The following SPTBN5 variants were observed in gnomAD, a reference collection of about 807,000 sequenced individuals.
The protein encoded by SPTBN5 is spectrin beta, non-erythrocytic 5, also known as spectrin beta chain, non-erythrocytic 5.
Under a neutral mutation model 477.6 loss-of-function variants are expected in SPTBN5, and 513 were observed. That is an observed-to-expected ratio of 1.07 (90% confidence interval 1.00 to 1.16). The LOEUF is 1.16. Among genes scored for constraint, SPTBN5 ranks in the 50% most tolerant of loss-of-function variants. The probability of loss-of-function intolerance (pLI) is 0.00; values close to 1 mark genes in which losing one functional copy is unlikely to be tolerated. For synonymous variants in SPTBN5, 2,169 were observed against 2,011.7 expected (o/e 1.08, Z -2.09); for missense variants, 5,062 against 4,731.8 (o/e 1.07, Z -2.05).
rs375807298 is a variant in SPTBN5 at position 41,855,680 on chromosome 15, G to C, written c.9087C>G (p.His3029Gln). ...GAAGGGCCTGTGTGGCTTCAGCACTGTGGCCCATGTCCTCGCTGTCCAGGA... is the reference window on the plus strand; with the variant it reads ...GAAGGGCCTGTGTGGCTTCAGCACTCTGGCCCATGTCCTCGCTGTCCAGGA... The part of the protein sequence containing the change: ...GHVLDSEDMG[H>Q]SAEATQALLR... The change falls in exon 54 of 68, where the codon CAC becomes CAG. Residue 3029 changes from histidine to glutamine, a missense_variant. Physicochemically the swap from His to Gln is conservative, Grantham distance 24 (BLOSUM62 0). Transcript: ENST00000320955. 1.2e-6 allele frequency: 2 copies of C among 1,604,204 alleles called. No individual in the cohort carries two copies. Among genetic ancestry groups the C allele is most frequent in the South Asian group, 2.2e-5 (2 of 89,862 alleles).
Position 41,893,562 on chromosome 15 carries a change from A to T in SPTBN5, c.-49-16T>A. The T allele has an allele frequency of 6.5e-7, 1 of 1,526,828 alleles. No individual in the cohort carries two copies. Among genetic ancestry groups the T allele is most frequent in the East Asian group, 2.5e-5 (1 of 40,694 alleles). The allele number at this position is 1,526,828 out of a possible 1,614,324, so 94.6% of individuals were successfully genotyped here. A position where few individuals can be genotyped will look rare whatever the true frequency, so the allele number is the denominator to read the frequency against. ...CTCCCTAAACCTGGAGGGCATGCAG[A>T]TTAGGGGATGATGTGAATGGAGATG... On this transcript the variant is annotated splice_polypyrimidine_tract_variant and intron_variant, in intron 1 of 67. Transcript: ENST00000320955.
chr15:41,859,020 G>A (rs771200635), intron 47 of SPTBN5, 40 bp from the exon 48 acceptor site: 10 of 1,441,418 alleles, frequency 6.9e-6, no homozygotes, highest in South Asian at 4.3e-5. Flanking sequence ...AGCCACCCCC[G>A]GGGCCAGGTG....
At position 41,876,615 on chromosome 15, in the gene SPTBN5, T is replaced by C; in HGVS notation, c.3884A>G (p.Gln1295Arg). Residue 1295 changes from glutamine (Q) to arginine (R), a missense_variant, in exon 20 of 68, where the codon CAG becomes CGG. By Grantham distance (43) the Gln-to-Arg change is conservative. Transcript: ENST00000320955. Reference protein sequence around the residue: ...VREQLQSIQAQWTRLQGRSEQ... With the variant: ...VREQLQSIQARWTRLQGRSEQ... ...ACTCCTCCCCTGGAGCCTGGTCCAC[T>C]GTGCCTGGATACTCTGCAGCTGCTC... 2 of 1,551,972 alleles carry C rather than the reference T, an allele frequency of 1.3e-6. No homozygotes were observed. The highest frequency in any genetic ancestry group is 1.8e-5 in the Admixed American group (1 of 56,108).
intron 7 of SPTBN5, among the ~76,000 whole-genome samples, chr15:41,883,744 C>T (rs1213225081): frequency 6.6e-6 from 1 of 152,152 alleles, no homozygotes; most frequent in Non-Finnish European, 1.5e-5. Flanking sequence ...GATGCAGTCC[C>T]CATTTCAGTT....
At chr15:41,882,817 C>G in intron 9 of SPTBN5, 79 bp from the exon 10 acceptor site, 1 of 1,509,510 alleles carries the variant, frequency 6.6e-7, no homozygotes, top group Non-Finnish European at 8.9e-7. Context: ...GGTTTAGACA[C>G]TCCCCTTAGA....
chr15:41,885,978 G>GT lies in SPTBN5; in HGVS notation c.1276dup (p.Thr426AsnfsTer18). The GT allele has an allele frequency of 6.5e-7, 1 of 1,549,354 alleles. No individual in the cohort carries two copies. Among genetic ancestry groups the GT allele is most frequent in the Non-Finnish European group, 8.7e-7 (1 of 1,148,998 alleles). ...CTTGTGCTGGAAGCGCCGGGCCAGG[G>GT]TTTCTAGCCGCTGCAGCTGCAGTAG... On this transcript the variant is annotated frameshift_variant, in exon 7 of 68. Transcript: ENST00000320955. LOFTEE classifies it high-confidence loss of function.
Position 41,855,399 on chromosome 15 carries a change from A to G in SPTBN5, c.9248T>C (p.Val3083Ala), listed in dbSNP as rs528549380. 2 of 1,604,312 alleles carry G rather than the reference A, an allele frequency of 1.2e-6. No individual in the cohort carries two copies. Among genetic ancestry groups the G allele is most frequent in the East Asian group, 2.2e-5 (1 of 44,830 alleles). ...CAGCAGCTCTGCGTGGGCCTCCCGA[A>G]CTGCCTGCAGCTGGGCTAGCACCTT... Reference protein sequence around the residue: ...SPKVLAQLQAVREAHAELLRR... With the variant: ...SPKVLAQLQAAREAHAELLRR... Residue 3083 changes from valine (V) to alanine (A), a missense_variant, in exon 55 of 68, where the codon GTT becomes GCT. By Grantham distance (64) the Val-to-Ala change is moderately conservative. Transcript: ENST00000320955.
chr15:41,863,877 G>A (rs768930968), intron 40 of SPTBN5, 32 bp downstream of exon 40: 14 of 1,612,952 alleles, frequency 8.7e-6, no homozygotes, highest in South Asian at 1.1e-5. Flanking sequence ...CCCTCTTCCC[G>A]GCCCTTTGGT....
chr15:41,858,780 C>T (rs1293020712), intron 48 of SPTBN5, 32 bp from the exon 49 acceptor site: 2 of 1,595,416 alleles, frequency 1.3e-6, no homozygotes, highest in African/African-American at 1.3e-5. Flanking sequence ...GCCTGCTGTC[C>T]AGGGCTTTCC....
intron 28 of SPTBN5, 120 bp from the exon 29 acceptor site, chr15:41,871,640 G>A: frequency 7.1e-7 from 1 of 1,413,152 alleles, no homozygotes; most frequent in South Asian, 1.5e-5. Context: ...CACGGCGTCT[G>A]CCCGCTCCAC....
Position 41,874,876 on chromosome 15 carries a change from C to G in SPTBN5, c.4468G>C (p.Ala1490Pro), listed in dbSNP as rs1227336203. ...TGCTTCTGGGTCTCTTCCAGGATGG[C>G]CGGGGAGGCGGCCATGCCATGGGCC... ...SMAHGMAASP[A>P]ILEETQKHLR... The change falls in exon 23 of 68, where the codon GCC becomes CCC. Residue 1490 changes from alanine to proline, a missense_variant. By Grantham distance (27) the Ala-to-Pro change is conservative. Transcript: ENST00000320955. 1.2e-6 allele frequency: 2 copies of G among 1,611,358 alleles called. No individual in the cohort carries two copies. The highest frequency in any genetic ancestry group is 3.3e-5 in the Admixed American group (2 of 59,976).
chr15:41,861,616 G>C, intron 45 of SPTBN5, 119 bp downstream of exon 45: 1 of 1,501,852 alleles, frequency 6.7e-7, no homozygotes, highest in Non-Finnish European at 9.1e-7. Context: ...AGTGCTGAGT[G>C]GTGGGGAAGT....
chr15:41,854,458 C>T (rs550321049), intron 56 of SPTBN5, among the ~76,000 whole-genome samples: 13 of 151,558 alleles, frequency 8.6e-5, no homozygotes, highest in South Asian at 6.3e-4. Flanking sequence ...AAGGCAGACG[C>T]GAGGTGTTGG....
At chr15:41,851,440 C>T in intron 63 of SPTBN5, 71 bp from the exon 64 acceptor site, 1 of 1,136,956 alleles carries the variant, frequency 8.8e-7, no homozygotes, top group Non-Finnish European at 1.3e-6. Flanking sequence ...GTCCACGCCT[C>T]ACCATGTGTG....
chr15:41,861,403 C>G lies in SPTBN5; in HGVS notation c.7815+16G>C. 1 of 1,606,720 alleles carries G rather than the reference C, an allele frequency of 6.2e-7. No homozygotes were observed. Among genetic ancestry groups the G allele is most frequent in the Non-Finnish European group, 8.5e-7 (1 of 1,173,784 alleles). On this transcript the variant is annotated intron_variant, in intron 46 of 67. Coordinates refer to ENST00000320955, the MANE Select transcript of SPTBN5 (RefSeq NM_016642.4). ...TGGTAATTCCCCCCTCCTGCCCATT[C>G]CTGCTGGGCACCTACCCATAGACCC...
chr15:41,882,527 G>A, intron 10 of SPTBN5, 58 bp from the exon 11 acceptor site: 3 of 1,582,054 alleles, frequency 1.9e-6, no homozygotes, highest in South Asian at 1.2e-5. Context: ...GGGGCCGGGG[G>A]CCCGAGAGGG....
intron 22 of SPTBN5, 45 bp downstream of exon 22, chr15:41,875,412 CA>C: frequency 6.3e-7 from 1 of 1,585,740 alleles, no homozygotes; most frequent in South Asian, 1.1e-5. Context: ...CCAGCCCAGC[CA>C]GGCCTCCGTC....
In SPTBN5 at chr15:41,854,880, G is replaced by C. The variant is rs780341578; in HGVS notation, c.9520C>G (p.Arg3174Gly). ...TGGGGATAGCGCCTGGGTGCACCCC[G>C]CTCCAGGGTGCCTGCCAACTTCCTC... ...ALRKLAGTLE[R>G]GAPRRYPHIQ... The change falls in exon 56 of 68, where the codon CGG becomes GGG. Residue 3174 changes from arginine (R) to glycine (G), a missense_variant. Physicochemically the swap from Arg to Gly is moderately radical, Grantham distance 125. Coordinates refer to ENST00000320955, the MANE Select transcript of SPTBN5 (RefSeq NM_016642.4). 6.2e-7 allele frequency: 1 copy of C among 1,608,896 alleles called. No individual in the cohort carries two copies. The highest frequency in any genetic ancestry group is 8.5e-7 in the Non-Finnish European group (1 of 1,177,502).
intron 35 of SPTBN5, 79 bp from the exon 36 acceptor site, chr15:41,867,205 C>A (rs563086234): frequency 1.4e-6 from 2 of 1,423,764 alleles, no homozygotes; most frequent in East Asian, 2.5e-5. Context: ...ACAGTCCTTT[C>A]TTTGAGGGCC....
Sources: gnomAD v4.1 joint callset for allele counts (sites outside exome capture counted in the v4.1 genomes callset) on GRCh38, gnomAD v4.1.1 for gene constraint, MANE v1.5 for transcripts, NCBI Gene and HGNC (gene_info 2026-07-23, HGNC 2026-07-21) for gene names.